Variants in STX8 observed in about 807,000 individuals in gnomAD.
STX8 encodes syntaxin 8, also known as syntaxin-8.
In STX8, 23 loss-of-function variants were observed where a neutral mutation model predicts 37.5. The ratio of observed to expected loss-of-function variants is 0.61; its 90% CI spans 0.44 to 0.87. STX8 has a LOEUF of 0.87. Among genes scored for constraint, STX8 ranks in the 40% least tolerant of loss-of-function variants. STX8 has a pLI of 0.00. For missense variants in STX8, 313 were observed against 284.7 expected (o/e 1.10, Z -0.71); for synonymous variants, 115 against 99.1 (o/e 1.16, Z -0.95).
chr17:9,407,478 T>C (rs1255223095), intron 6 of STX8, among the ~76,000 whole-genome samples: 6 of 151,966 alleles, frequency 3.9e-5, no homozygotes, highest in African/African-American at 1.5e-4. Flanking sequence ...TGTAAAATAT[T>C]TGAAGGGATT....
chr17:9,386,425 A>G (rs2142295940), intron 6 of STX8, among the ~76,000 whole-genome samples: 1 of 152,260 alleles, frequency 6.6e-6, no homozygotes, highest in South Asian at 2.1e-4. Flanking sequence ...GGGGTGCTTG[A>G]CTAGAAAGGG....
intron 7 of STX8, among the ~76,000 whole-genome samples, chr17:9,362,999 G>A (rs1330372895): frequency 6.6e-6 from 1 of 152,068 alleles, no homozygotes; most frequent in East Asian, 1.9e-4. Flanking sequence ...ACTTGATGCG[G>A]CCACCCTGTA....
At chr17:9,543,176 T>C (rs980701318) in intron 4 of STX8, among the ~76,000 whole-genome samples, 5 of 152,202 alleles carry the variant, frequency 3.3e-5, no homozygotes, top group African/African-American at 1.2e-4. Context: ...CTGACCATCA[T>C]CTGTCTACAT....
intron 7 of STX8, among the ~76,000 whole-genome samples, chr17:9,298,288 TG>T (rs1287860752): frequency 6.6e-6 from 1 of 152,160 alleles, no homozygotes; most frequent in Non-Finnish European, 1.5e-5. Context: ...GAGCGTGAGT[TG>T]GCGGAGGTGG....
chr17:9,414,564 G>A (rs1024730365), intron 6 of STX8, among the ~76,000 whole-genome samples: 1 of 152,110 alleles, frequency 6.6e-6, no homozygotes, highest in East Asian at 1.9e-4. Flanking sequence ...TAGGGGACTT[G>A]TGTGAAGTCG....
intron 4 of STX8, among the ~76,000 whole-genome samples, chr17:9,536,051 C>T (rs1567601305): frequency 6.6e-6 from 1 of 152,138 alleles, no homozygotes; most frequent in Non-Finnish European, 1.5e-5. Context: ...CTGGTATGTG[C>T]TTAAGAGAAC....
At chr17:9,314,233 G>A (rs768373373) in intron 7 of STX8, among the ~76,000 whole-genome samples, 2 of 152,126 alleles carry the variant, frequency 1.3e-5, no homozygotes, top group African/African-American at 2.4e-5. Flanking sequence ...TCCAATGTCC[G>A]TGAGGAATAG....
chr17:9,311,174 T>C (rs556681988), intron 7 of STX8, among the ~76,000 whole-genome samples: 51 of 151,396 alleles, frequency 3.4e-4, no homozygotes, highest in African/African-American at 1.1e-3. Context: ...GAGGCGAAGG[T>C]TGCAGTGAGC....
Position 9,276,608 on chromosome 17 carries a change from TTTTG to T in STX8, c.644-25967_644-25964del, listed in dbSNP as rs202119340. 7.8e-3 allele frequency among the ~76,000 whole-genome samples: 1,189 copies of T among 151,848 alleles called. 9 individuals are homozygous for T. The highest frequency in any genetic ancestry group is 0.037 in the Middle Eastern group (11 of 294). ...TTAGTTTTTTGTCAGCTTTTCTTGT[TTTTG>T]TTTGTTTATTTGTTTGTTTTTTTTT... On this transcript the variant is annotated intron_variant, in intron 7 of 7. Coordinates refer to ENST00000306357, the MANE Select transcript of STX8 (RefSeq NM_004853.3).
chr17:9,366,724 A>G (rs1911241959), intron 7 of STX8, among the ~76,000 whole-genome samples: 1 of 152,172 alleles, frequency 6.6e-6, no homozygotes, highest in Non-Finnish European at 1.5e-5. Context: ...CCCCTGCACC[A>G]CTATCACATT....
intron 7 of STX8, among the ~76,000 whole-genome samples, chr17:9,290,859 A>G (rs554317828): frequency 1.3e-5 from 2 of 152,350 alleles, no homozygotes; most frequent in African/African-American, 4.8e-5. Flanking sequence ...ATTAGGGTGC[A>G]GTAACCCTGT....
intron 7 of STX8, among the ~76,000 whole-genome samples, chr17:9,257,061 G>A (rs1037726424): frequency 1.3e-5 from 2 of 152,136 alleles, no homozygotes; most frequent in African/African-American, 4.8e-5. Flanking sequence ...CTCCTGCCCT[G>A]GGCCCGCTGG....
chr17:9,327,334 GAGA>G lies in STX8; in HGVS notation c.643+51215_643+51217del, dbSNP rs557917510. ...GAAGAAGGAAGAAGGAGAAGAGAAG[GAGA>G]AGGAGGAGGAGGAGAAGGAGAGGGA... is the stretch of plus-strand genomic sequence containing the variant. On this transcript the variant is annotated intron_variant, in intron 7 of 7. Coordinates refer to ENST00000306357, the MANE Select transcript of STX8 (RefSeq NM_004853.3). Among the ~76,000 whole-genome samples the G allele has an allele frequency of 6.0e-5, 9 of 150,020 alleles. 1 individual carries two copies. Among genetic ancestry groups the G allele is most frequent in the African/African-American group, 2.2e-4 (9 of 40,666 alleles).
intron 7 of STX8, among the ~76,000 whole-genome samples, chr17:9,330,306 A>C (rs546178535): frequency 6.6e-6 from 1 of 152,336 alleles, no homozygotes; most frequent in East Asian, 1.9e-4. Context: ...ACAGTAGCCC[A>C]CCAGGGGGAA....
At chr17:9,487,860 T>C (rs1037291556) in intron 6 of STX8, among the ~76,000 whole-genome samples, 1 of 152,178 alleles carries the variant, frequency 6.6e-6, no homozygotes. Flanking sequence ...TTTAGACCTG[T>C]AATGTGAGCA....
intron 6 of STX8, among the ~76,000 whole-genome samples, chr17:9,435,034 C>T (rs938285103): frequency 3.3e-5 from 5 of 152,108 alleles, no homozygotes; most frequent in African/African-American, 1.2e-4. Flanking sequence ...TCACTGCACG[C>T]CCTGTTTTGA....
chr17:9,544,854 C>T (rs779030017), intron 4 of STX8, among the ~76,000 whole-genome samples: 5 of 151,894 alleles, frequency 3.3e-5, no homozygotes, highest in African/African-American at 4.8e-5. Context: ...TAGTCGGGCA[C>T]GGTGGCGGTG....
Position 9,546,590 on chromosome 17 carries a change from G to GTTTTTTTTTTTTTTTTTTTTTTTTT in STX8, c.213-1309_213-1308insAAAAAAAAAAAAAAAAAAAAAAAAA, listed in dbSNP as rs745424722. Among the ~76,000 whole-genome samples the GTTTTTTTTTTTTTTTTTTTTTTTTT allele has an allele frequency of 1.3e-3, 78 of 62,212 alleles. 12 individuals are homozygous for GTTTTTTTTTTTTTTTTTTTTTTTTT. Among genetic ancestry groups the GTTTTTTTTTTTTTTTTTTTTTTTTT allele is most frequent in the Non-Finnish European group, 1.4e-3 (47 of 33,674 alleles). 40.8% of individuals were successfully genotyped at this position (62,212 alleles called of 152,430 possible). ...CTTTCTTGATGCAAACTACAAAAGT[G>GTTTTTTTTTTTTTTTTTTTTTTTTT]GTTTTTTTTTTTTTTTTTTTTTTTT... On this transcript the variant is annotated intron_variant, in intron 3 of 7. Transcript: ENST00000306357.
At chr17:9,250,967 C>G (rs1030378308) in intron 7 of STX8, among the ~76,000 whole-genome samples, 1 of 152,128 alleles carries the variant, frequency 6.6e-6, no homozygotes, top group Non-Finnish European at 1.5e-5. Context: ...CTGCTGACGA[C>G]AGCCACCCTC....
Sources: allele counts gnomAD v4.1 joint callset (sites outside exome capture counted in the v4.1 genomes callset), GRCh38; gene constraint gnomAD v4.1.1; transcripts MANE v1.5; gene names NCBI Gene and HGNC (gene_info 2026-07-23, HGNC 2026-07-21).